Variants in SETBP1 observed in about 807,000 individuals in gnomAD.
SETBP1 encodes SET-binding protein.
SETBP1 carries 9 observed loss-of-function variants against 101.0 expected under a neutral mutation model. That is an observed-to-expected ratio of 0.09 (90% CI 0.05 to 0.16). SETBP1 has a LOEUF of 0.16. Ranked by LOEUF, SETBP1 falls within the 10% of genes least tolerant of loss-of-function variation. The pLI is 1.00. For synonymous variants in SETBP1, 818 were observed against 788.5 expected (o/e 1.04, Z -0.63); for missense variants, 1,858 against 2,033.8 (o/e 0.91, Z 1.66).
chr18:45,033,377 T>G (rs2073335982), intron 4 of SETBP1, among the ~76,000 whole-genome samples: 2 of 152,230 alleles, frequency 1.3e-5, no homozygotes, highest in African/African-American at 4.8e-5. Flanking sequence ...ATTTCCTTGT[T>G]CGTAAATTAG....
intron 2 of SETBP1, among the ~76,000 whole-genome samples, chr18:44,773,401 C>T (rs2070917171): frequency 6.6e-6 from 1 of 152,162 alleles, no homozygotes; most frequent in Admixed American, 6.5e-5. Context: ...GCTTGGCTCA[C>T]AGACAAGCAC....
At chr18:44,693,962 A>G (rs971873993) in intron 1 of SETBP1, among the ~76,000 whole-genome samples, 3 of 152,308 alleles carry the variant, frequency 2.0e-5, no homozygotes, top group African/African-American at 2.4e-5. Context: ...GAGGAGTGGA[A>G]GAAGGGCATT....
intron 3 of SETBP1, among the ~76,000 whole-genome samples, chr18:44,885,674 C>T (rs2069625177): frequency 6.6e-6 from 1 of 151,566 alleles, no homozygotes; most frequent in African/African-American, 2.4e-5. Flanking sequence ...AACCTTAGAC[C>T]TCGGAAAGTA....
chr18:45,038,057 C>T (rs1377707883), intron 4 of SETBP1, among the ~76,000 whole-genome samples: 1 of 152,172 alleles, frequency 6.6e-6, no homozygotes, highest in Non-Finnish European at 1.5e-5. Flanking sequence ...TCCAATTTTT[C>T]CTTCTCATTC....
chr18:44,887,612 A>G (rs113103814), intron 3 of SETBP1, among the ~76,000 whole-genome samples: 222 of 152,282 alleles, frequency 1.5e-3, no homozygotes, highest in Non-Finnish European at 2.5e-3. Flanking sequence ...TGGCAGGAAA[A>G]CAGACTGTAG....
chr18:44,947,784 C>A (rs539641240), intron 3 of SETBP1, among the ~76,000 whole-genome samples: 2 of 152,260 alleles, frequency 1.3e-5, no homozygotes, highest in Admixed American at 1.3e-4. Flanking sequence ...GAACTACAGG[C>A]GTGAGCCACT....
rs1474736436 is a variant in SETBP1, at chr18:44,701,845, G to A, written c.486+13G>A. 5.0e-6 allele frequency: 8 copies of A among 1,610,608 alleles called. No homozygotes were observed. The highest frequency in any genetic ancestry group is 6.8e-6 in the Non-Finnish European group (8 of 1,179,886). ...CTCCAAAAAGAAGGTAGGAAGCCCTGTCTTATGGTTGTTTTTGTTTGTTTC... is the reference window on the plus strand; with the variant it reads ...CTCCAAAAAGAAGGTAGGAAGCCCTATCTTATGGTTGTTTTTGTTTGTTTC... On this transcript the variant is annotated intron_variant, in intron 2 of 5. Coordinates refer to ENST00000649279, the MANE Select transcript of SETBP1 (RefSeq NM_015559.3).
chr18:44,860,747 C>A (rs1173933459), intron 2 of SETBP1, among the ~76,000 whole-genome samples: 51 of 133,166 alleles, frequency 3.8e-4, no homozygotes, highest in African/African-American at 3.3e-4. Flanking sequence ...AACTTCATCT[C>A]AAAAAAAAAA....
rs141851192 is a variant in SETBP1, at chr18:44,971,345, T to C, written c.4000+18005T>C. ...GTGCCACAGTAAACATATGTGTGCA[T>C]GTGTCTTTATAGCAGCATGTTTTAT... On this transcript the variant is annotated intron_variant, in intron 4 of 5. Transcript: ENST00000649279. Among the ~76,000 whole-genome samples the C allele has an allele frequency of 4.4e-3, 672 of 152,322 alleles. 9 individuals carry two copies. Among genetic ancestry groups the C allele is most frequent in the African/African-American group, 0.016 (649 of 41,554 alleles).
At chr18:45,017,734 A>G (rs914528220) in intron 4 of SETBP1, among the ~76,000 whole-genome samples, 1 of 152,192 alleles carries the variant, frequency 6.6e-6, no homozygotes, top group Non-Finnish European at 1.5e-5. Flanking sequence ...AGAAGCCCCT[A>G]TGTGTTCCTC....
At chr18:44,955,344 A>G (rs186626378) in intron 4 of SETBP1, among the ~76,000 whole-genome samples, 4 of 152,304 alleles carry the variant, frequency 2.6e-5, no homozygotes, top group South Asian at 2.1e-4. Context: ...GTGTCATGAC[A>G]ATGTCATGAA....
At chr18:44,948,180 A>G (rs1005166062) in intron 3 of SETBP1, among the ~76,000 whole-genome samples, 2 of 152,222 alleles carry the variant, frequency 1.3e-5, no homozygotes, top group Middle Eastern at 3.2e-3. Flanking sequence ...AAGATGAATT[A>G]AAAAATTAAA....
chr18:44,772,093 C>A (rs931458553), intron 2 of SETBP1, among the ~76,000 whole-genome samples: 4 of 152,130 alleles, frequency 2.6e-5, no homozygotes, highest in African/African-American at 9.7e-5. Flanking sequence ...TCCTCTTTCC[C>A]CATCCTCTCC....
intron 4 of SETBP1, among the ~76,000 whole-genome samples, chr18:44,967,812 G>A (rs971485150): frequency 6.6e-6 from 1 of 152,138 alleles, no homozygotes; most frequent in Admixed American, 6.5e-5. Context: ...CAGCCCCTGG[G>A]AACTTCTTGC....
chr18:44,979,568 G>A (rs2072066089), intron 4 of SETBP1, among the ~76,000 whole-genome samples: 1 of 152,136 alleles, frequency 6.6e-6, no homozygotes, highest in Non-Finnish European at 1.5e-5. Context: ...GGGATACAGG[G>A]GTAATGTATT....
At chr18:44,946,450 T>C (rs1468428376) in intron 3 of SETBP1, among the ~76,000 whole-genome samples, 3 of 152,222 alleles carry the variant, frequency 2.0e-5, no homozygotes, top group African/African-American at 7.2e-5. Context: ...GCAGAGTTAA[T>C]TGAAAAGTGA....
chr18:44,811,510 AT>A (rs1484296163), intron 2 of SETBP1, among the ~76,000 whole-genome samples: 1 of 152,240 alleles, frequency 6.6e-6, no homozygotes, highest in Non-Finnish European at 1.5e-5. Context: ...AAGGGTGACC[AT>A]TCTCTGCCCT....
At chr18:44,944,041 C>G (rs1446119196) in intron 3 of SETBP1, among the ~76,000 whole-genome samples, 1 of 151,906 alleles carries the variant, frequency 6.6e-6, no homozygotes, top group Non-Finnish European at 1.5e-5. Flanking sequence ...GTCTTGTTGT[C>G]TGGGCTGGTC....
Position 44,869,819 on chromosome 18 carries a change from C to T in SETBP1, c.540+536C>T, listed in dbSNP as rs568080890. The T allele has an allele frequency of 3.2e-4, 63 of 199,182 alleles. No individual in the cohort carries two copies. In the South Asian group the frequency reaches 3.2e-3, roughly 10 times the overall value. The allele number at this position is 199,182 out of a possible 1,614,324, so 12.3% of individuals were successfully genotyped here. A position where few individuals can be genotyped will look rare whatever the true frequency, so the allele number is the denominator to read the frequency against. ...GTGTTTGGAGGTTACTATGGGCAAA[C>T]TGTGTGAGGATGTAGGCAAGGGCTT... On this transcript the variant is annotated intron_variant, in intron 3 of 5. Coordinates refer to ENST00000649279, the MANE Select transcript of SETBP1 (RefSeq NM_015559.3).
Sources: allele counts gnomAD v4.1 joint callset (sites outside exome capture counted in the v4.1 genomes callset), GRCh38; gene constraint gnomAD v4.1.1; transcripts MANE v1.5; gene names NCBI Gene and HGNC (gene_info 2026-07-23, HGNC 2026-07-21).